The following PDE7B variants were observed in gnomAD, a reference collection of about 807,000 sequenced individuals.
The protein encoded by PDE7B is phosphodiesterase 7B, also known as 3',5'-cyclic-AMP phosphodiesterase 7B.
A neutral mutation model predicts 56.2 loss-of-function variants in PDE7B; 29 were observed. The ratio of observed to expected loss-of-function variants is 0.52; its 90% CI spans 0.38 to 0.70. The LOEUF (loss-of-function observed/expected upper bound fraction) is 0.70. Ranked by LOEUF, PDE7B falls within the 30% of genes least tolerant of loss-of-function variation. The pLI is 0.00. For synonymous variants in PDE7B, 197 were observed against 196.9 expected (o/e 1.00, Z 0.00); for missense variants, 490 against 565.0 (o/e 0.87, Z 1.35).
chr6:136,069,341 G>T (rs1777006586), intron 2 of PDE7B, among the ~76,000 whole-genome samples: 1 of 152,206 alleles, frequency 6.6e-6, no homozygotes, highest in Non-Finnish European at 1.5e-5. Flanking sequence ...CCATTCACAA[G>T]CACGTGCATA....
At chr6:135,951,815 G>A (rs1001150016) in intron 2 of PDE7B, among the ~76,000 whole-genome samples, 2 of 151,924 alleles carry the variant, frequency 1.3e-5, no homozygotes, top group African/African-American at 4.8e-5. Context: ...CTATTAGAAT[G>A]TACAATAAGC....
chr6:135,937,596 A>G (rs987537630), intron 1 of PDE7B, among the ~76,000 whole-genome samples: 2 of 152,176 alleles, frequency 1.3e-5, no homozygotes, highest in Non-Finnish European at 2.9e-5. Context: ...ATCAGAATAC[A>G]TTATTCAGAA....
chr6:136,037,942 G>A, intron 2 of PDE7B: 1 of 1,200,446 alleles, frequency 8.3e-7, no homozygotes, highest in Non-Finnish European at 1.1e-6. Flanking sequence ...ATTAAGTGCT[G>A]TGAACTCAGT....
At chr6:135,928,901 C>T (rs182526803) in intron 1 of PDE7B, among the ~76,000 whole-genome samples, 74 of 152,178 alleles carry the variant, frequency 4.9e-4, no homozygotes, top group South Asian at 8.3e-4. Context: ...GTACACCAAA[C>T]CTCAGCATCA....
At chr6:136,156,202 T>TGTGTGTGTGA in intron 8 of PDE7B, 1 of 324,622 alleles carries the variant, frequency 3.1e-6, no homozygotes, top group South Asian at 2.6e-5. Flanking sequence ...TGTGTGTGTG[T>TGTGTGTGTGA]TTTCAGAAAC....
chr6:135,903,099 G>A (rs1776034546), intron 1 of PDE7B, among the ~76,000 whole-genome samples: 1 of 152,064 alleles, frequency 6.6e-6, no homozygotes, highest in African/African-American at 2.4e-5. Context: ...ATTATTCTAG[G>A]CTCTGAGTAG....
intron 2 of PDE7B, among the ~76,000 whole-genome samples, chr6:135,995,671 G>A (rs1775552580): frequency 1.3e-5 from 2 of 152,168 alleles, no homozygotes. Context: ...CCTCTGCTCT[G>A]CTTAGCTGAT....
At chr6:135,923,841 T>C (rs1429454354) in intron 1 of PDE7B, among the ~76,000 whole-genome samples, 1 of 152,138 alleles carries the variant, frequency 6.6e-6, no homozygotes, top group Non-Finnish European at 1.5e-5. Flanking sequence ...TCAAAGAAAC[T>C]GTATGAAACA....
chr6:135,878,113 G>A (rs1482231926), intron 1 of PDE7B, among the ~76,000 whole-genome samples: 1 of 152,242 alleles, frequency 6.6e-6, no homozygotes, highest in African/African-American at 2.4e-5. Context: ...GGTATGGACA[G>A]AGAACTTTCA....
At position 136,006,618 on chromosome 6, in the gene PDE7B, T is replaced by A. The variant is rs1199375324; in HGVS notation, c.82+59094T>A. ...TGTTTTGTAATTCCCATTGTAGAGA[T>A]ATTTTATCTCCCCTGTTAGCTGTAT... On this transcript the variant is annotated intron_variant, in intron 2 of 12. Transcript: ENST00000308191. 2.0e-5 allele frequency among the ~76,000 whole-genome samples: 3 copies of A among 152,184 alleles called. No individual in the cohort carries two copies. In the East Asian group the frequency reaches 5.8e-4, roughly 29 times the overall value.
intron 2 of PDE7B, among the ~76,000 whole-genome samples, chr6:135,968,792 A>T (rs1775042631): frequency 6.6e-6 from 1 of 152,228 alleles, no homozygotes; most frequent in African/African-American, 2.4e-5. Context: ...TACTGGGTAT[A>T]TAACCAAAAG....
intron 3 of PDE7B, among the ~76,000 whole-genome samples, chr6:136,146,748 G>T (rs1778418808): frequency 6.6e-6 from 1 of 152,198 alleles, no homozygotes; most frequent in South Asian, 2.1e-4. Flanking sequence ...AATGCAGGCA[G>T]AAGTGTGTGA....
chr6:136,157,572 C>CG (rs1778629802), intron 8 of PDE7B, among the ~76,000 whole-genome samples: 1 of 152,006 alleles, frequency 6.6e-6, no homozygotes, highest in East Asian at 1.9e-4. Context: ...AGGGAGACTC[C>CG]GTCTCAAAGA....
At chr6:136,164,388 G>A (rs1311494600) in intron 8 of PDE7B, among the ~76,000 whole-genome samples, 1 of 152,070 alleles carries the variant, frequency 6.6e-6, no homozygotes. Flanking sequence ...ATGGATTATA[G>A]GAACTACAAT....
chr6:136,053,232 C>T (rs7754725), intron 2 of PDE7B, among the ~76,000 whole-genome samples: 1,580 of 132,240 alleles, frequency 0.012, 30 homozygotes, highest in African/African-American at 0.044. Flanking sequence ...ACAACAGGCC[C>T]GGTGTGTGAT....
intron 2 of PDE7B, among the ~76,000 whole-genome samples, chr6:135,956,155 G>A (rs1162525569): frequency 1.3e-5 from 2 of 152,090 alleles, no homozygotes; most frequent in African/African-American, 4.8e-5. Flanking sequence ...AAATAGAGTG[G>A]GCAGAAAGAT....
intron 8 of PDE7B, among the ~76,000 whole-genome samples, chr6:136,172,485 AT>A (rs1778905166): frequency 1.3e-5 from 2 of 151,236 alleles, no homozygotes; most frequent in South Asian, 2.1e-4. Flanking sequence ...TAATGGGGTT[AT>A]TTTTTTCTTG....
chr6:136,183,595 C>CAAA (rs59123124), intron 11 of PDE7B, among the ~76,000 whole-genome samples: 1 of 66,198 alleles, frequency 1.5e-5, no homozygotes, highest in Non-Finnish European at 4.0e-5. Flanking sequence ...GACTCTGTCT[C>CAAA]AAAAAAAAAA....
At chr6:135,877,752 C>CAAAAAA (rs75061563) in intron 1 of PDE7B, among the ~76,000 whole-genome samples, 8 of 89,162 alleles carry the variant, frequency 9.0e-5, no homozygotes, top group Non-Finnish European at 1.5e-4. Flanking sequence ...CAAAACAAAA[C>CAAAAAA]AAAAAAAAAA....
Sources: gnomAD v4.1 joint callset for allele counts (sites outside exome capture counted in the v4.1 genomes callset) on GRCh38, gnomAD v4.1.1 for gene constraint, MANE v1.5 for transcripts, NCBI Gene and HGNC (gene_info 2026-07-23, HGNC 2026-07-21) for gene names.